Variants in INVS observed in about 807,000 individuals in gnomAD.
INVS encodes inversion of embryo turning homolog.
A neutral mutation model predicts 108.8 loss-of-function variants in INVS; 86 were observed. The ratio of observed to expected loss-of-function variants is 0.79; its 90% CI spans 0.66 to 0.95. The LOEUF (loss-of-function observed/expected upper bound fraction) is 0.95, where lower values mean the gene tolerates loss of function less well. Ranked by LOEUF, INVS falls within the 40% of genes least tolerant of loss-of-function variation. The pLI is 0.00. For missense variants in INVS, 1,169 were observed against 1,297.4 expected (o/e 0.90, Z 1.52); for synonymous variants, 455 against 473.5 (o/e 0.96, Z 0.51).
At chr9:100,228,175 G>A (rs7035379) in intron 4 of INVS, among the ~76,000 whole-genome samples, 26,860 of 151,750 alleles carry the variant, frequency 0.18, 3,611 homozygotes, top group African/African-American at 0.38. Flanking sequence ...ATTTTTAGTA[G>A]AGACGGGGTT....
intron 4 of INVS, among the ~76,000 whole-genome samples, chr9:100,228,312 A>G (rs1194993475): frequency 6.6e-6 from 1 of 152,064 alleles, no homozygotes; most frequent in Admixed American, 6.6e-5. Context: ...TCTTTTAGAG[A>G]GACTCTGTTA....
At chr9:100,202,860 A>G (rs567103275) in intron 3 of INVS, among the ~76,000 whole-genome samples, 127 of 152,230 alleles carry the variant, frequency 8.3e-4, no homozygotes, top group Non-Finnish European at 1.4e-3. Context: ...CCAGATGTGC[A>G]TGACTGCACT....
At chr9:100,257,707 CT>C (rs1411235159) in intron 10 of INVS, among the ~76,000 whole-genome samples, 2 of 152,158 alleles carry the variant, frequency 1.3e-5, no homozygotes, top group Non-Finnish European at 2.9e-5. Context: ...TTTGACAATT[CT>C]TTTCTTTAAG....
chr9:100,113,557 T>TG (rs1295763833), intron 2 of INVS, among the ~76,000 whole-genome samples: 2 of 150,972 alleles, frequency 1.3e-5, no homozygotes, highest in Non-Finnish European at 3.0e-5. Flanking sequence ...TCTGGTGTCT[T>TG]TTTTGTTTGT....
chr9:100,241,698 A>C (rs922446149), intron 6 of INVS, among the ~76,000 whole-genome samples: 1 of 152,224 alleles, frequency 6.6e-6, no homozygotes, highest in African/African-American at 2.4e-5. Context: ...GATTGTCTTT[A>C]ATCCCACATT....
At chr9:100,237,959 A>G (rs574338962) in intron 5 of INVS, among the ~76,000 whole-genome samples, 1 of 151,866 alleles carries the variant, frequency 6.6e-6, no homozygotes, top group African/African-American at 2.4e-5. Context: ...GCTCACTGCA[A>G]CCTCTGCATC....
intron 5 of INVS, among the ~76,000 whole-genome samples, chr9:100,231,405 C>T (rs932190607): frequency 3.3e-5 from 5 of 151,936 alleles, no homozygotes; most frequent in Non-Finnish European, 4.4e-5. Flanking sequence ...AGGTGCAAAA[C>T]GTTCAGGTTT....
At chr9:100,179,580 C>T (rs1470561364) in intron 3 of INVS, among the ~76,000 whole-genome samples, 1 of 151,944 alleles carries the variant, frequency 6.6e-6, no homozygotes, top group Non-Finnish European at 1.5e-5. Flanking sequence ...ATCAATGCAA[C>T]AAGAAGAGCT....
intron 3 of INVS, chr9:100,129,565 A>C (rs929910299): frequency 3.7e-5 from 19 of 511,726 alleles, no homozygotes; most frequent in Non-Finnish European, 6.2e-5. Flanking sequence ...AACCAACAAG[A>C]CACTTTCATA....
intron 3 of INVS, among the ~76,000 whole-genome samples, chr9:100,196,908 TC>T (rs1201426128): frequency 1.3e-5 from 2 of 152,052 alleles, no homozygotes; most frequent in Non-Finnish European, 2.9e-5. Context: ...GCTCTCTCAC[TC>T]GACACAAAAT....
At chr9:100,197,213 C>T (rs984244887) in intron 3 of INVS, among the ~76,000 whole-genome samples, 1 of 152,126 alleles carries the variant, frequency 6.6e-6, no homozygotes, top group Non-Finnish European at 1.5e-5. Flanking sequence ...TCACATAACT[C>T]AGGGAAACAT....
At chr9:100,282,892 C>G (rs1833322665) in intron 12 of INVS, among the ~76,000 whole-genome samples, 1 of 152,218 alleles carries the variant, frequency 6.6e-6, no homozygotes, top group Non-Finnish European at 1.5e-5. Context: ...GCCAGCAACA[C>G]CTGGATCACC....
At chr9:100,203,809 A>G (rs1420176665) in intron 3 of INVS, among the ~76,000 whole-genome samples, 1 of 152,148 alleles carries the variant, frequency 6.6e-6, no homozygotes, top group Non-Finnish European at 1.5e-5. Flanking sequence ...TTAAAGTAAT[A>G]TTCACATGTA....
chr9:100,244,400 C>G (rs1180140475), intron 7 of INVS, among the ~76,000 whole-genome samples: 1 of 151,980 alleles, frequency 6.6e-6, no homozygotes, highest in Non-Finnish European at 1.5e-5. Context: ...GAAAACAAAA[C>G]AAAACAAAAC....
At chr9:100,103,553 T>G (rs1319184116) in intron 1 of INVS, among the ~76,000 whole-genome samples, 1 of 151,744 alleles carries the variant, frequency 6.6e-6, no homozygotes, top group Non-Finnish European at 1.5e-5. Flanking sequence ...GCTTGAGCCC[T>G]GGAGGCAGAG....
At chr9:100,170,662 T>C (rs1054207823) in intron 3 of INVS, among the ~76,000 whole-genome samples, 1 of 152,320 alleles carries the variant, frequency 6.6e-6, no homozygotes, top group South Asian at 2.1e-4. Context: ...GGTTTGTGTT[T>C]GGGGTTTTGA....
intron 2 of INVS, among the ~76,000 whole-genome samples, chr9:100,112,561 A>G (rs527401898): frequency 1.6e-4 from 25 of 152,200 alleles, no homozygotes; most frequent in African/African-American, 6.0e-4. Flanking sequence ...GAGCCTAATC[A>G]ATTAGGACAG....
chr9:100,172,928 T>A (rs1444718391), intron 3 of INVS, among the ~76,000 whole-genome samples: 1 of 152,160 alleles, frequency 6.6e-6, no homozygotes, highest in Non-Finnish European at 1.5e-5. Context: ...AGATTTGAAA[T>A]CACTAGATAC....
intron 3 of INVS, among the ~76,000 whole-genome samples, chr9:100,157,335 G>T (rs889082593): frequency 1.3e-5 from 2 of 148,284 alleles, no homozygotes; most frequent in African/African-American, 5.1e-5. Context: ...CACAATCTCG[G>T]CTCACTGCAA....
Sources: allele counts gnomAD v4.1 joint callset (sites outside exome capture counted in the v4.1 genomes callset), GRCh38; gene constraint gnomAD v4.1.1; transcripts MANE v1.5; gene names NCBI Gene and HGNC (gene_info 2026-07-23, HGNC 2026-07-21).